The following UVRAG variants were observed in gnomAD, a reference collection of about 807,000 sequenced individuals.
The protein encoded by UVRAG is UV radiation resistance associated, also known as UV radiation resistance-associated gene protein.
Under a neutral mutation model 78.0 loss-of-function variants are expected in UVRAG, and 19 were observed. That is an observed-to-expected ratio of 0.24 (90% CI 0.17 to 0.36). The LOEUF (loss-of-function observed/expected upper bound fraction) is 0.36. Among genes scored for constraint, UVRAG ranks in the 10% least tolerant of loss-of-function variants. The pLI, the probability that UVRAG is intolerant of heterozygous loss-of-function variation, is 1.00. For synonymous variants in UVRAG, 323 were observed against 324.6 expected (o/e 1.00, Z 0.05); for missense variants, 740 against 853.8 (o/e 0.87, Z 1.66).
intron 13 of UVRAG, among the ~76,000 whole-genome samples, chr11:76,111,264 C>T (rs1248267664): frequency 1.3e-5 from 2 of 152,116 alleles, no homozygotes; most frequent in African/African-American, 2.4e-5. Flanking sequence ...TGGCAGAAGC[C>T]TTTACGAAGC....
At chr11:75,874,102 G>A (rs1201070394) in intron 3 of UVRAG, among the ~76,000 whole-genome samples, 4 of 152,224 alleles carry the variant, frequency 2.6e-5, no homozygotes, top group Non-Finnish European at 4.4e-5. Flanking sequence ...TGTGAGACCT[G>A]TGGAGTCTCC....
In UVRAG at chr11:76,141,744, T is replaced by C. The variant is rs1455135517; in HGVS notation, c.*331T>C. 3 of 277,982 alleles carry C rather than the reference T, an allele frequency of 1.1e-5. No homozygotes were observed. The Admixed American group carries it at 1.5e-4, about 14-fold the overall frequency. 17.2% of individuals were successfully genotyped at this position (277,982 alleles called of 1,614,324 possible). A position where few individuals can be genotyped will look rare whatever the true frequency, so the allele number is the denominator to read the frequency against. On this transcript the variant is annotated 3_prime_UTR_variant, in exon 15 of 15. Coordinates refer to ENST00000356136, the MANE Select transcript of UVRAG (RefSeq NM_003369.4). ...TATGTTATCCTCAGAGGGAAGATGA[T>C]AATATATAAATAATATAATGAACAC...
At chr11:75,880,799 C>T (rs1946925787) in intron 4 of UVRAG, among the ~76,000 whole-genome samples, 1 of 151,926 alleles carries the variant, frequency 6.6e-6, no homozygotes, top group African/African-American at 2.4e-5. Context: ...AGGTAATACA[C>T]CCGCCTCGGC....
At chr11:75,837,473 T>C (rs1262859602) in intron 1 of UVRAG, 8 of 152,116 alleles carry the variant, frequency 5.3e-5, no homozygotes, top group Non-Finnish European at 1.2e-4. Context: ...GTAAATGCTA[T>C]GTAAATAGTT....
intron 2 of UVRAG, among the ~76,000 whole-genome samples, chr11:75,855,140 T>C (rs774634669): frequency 1.1e-4 from 16 of 152,236 alleles, no homozygotes; most frequent in Non-Finnish European, 2.2e-4. Flanking sequence ...TCTAGAGATA[T>C]GATGAAAGCA....
intron 12 of UVRAG, among the ~76,000 whole-genome samples, chr11:76,033,395 C>T (rs1207423383): frequency 1.3e-5 from 2 of 151,948 alleles, no homozygotes; most frequent in African/African-American, 4.8e-5. Flanking sequence ...TTAATTTTTC[C>T]CTTCTAGTTG....
intron 12 of UVRAG, among the ~76,000 whole-genome samples, chr11:76,044,953 G>A: frequency 6.6e-6 from 1 of 152,158 alleles, no homozygotes. Flanking sequence ...TCGCAAGGGG[G>A]AAGGTTAAGA....
At chr11:76,086,086 T>C (rs1327658436) in intron 13 of UVRAG, among the ~76,000 whole-genome samples, 1 of 152,240 alleles carries the variant, frequency 6.6e-6, no homozygotes, top group African/African-American at 2.4e-5. Context: ...CAACCTGCTT[T>C]AAATAAGTAA....
chr11:75,856,670 TTC>T (rs1057332744), intron 2 of UVRAG, among the ~76,000 whole-genome samples: 5 of 152,166 alleles, frequency 3.3e-5, no homozygotes, highest in African/African-American at 1.2e-4. Context: ...GGTCCCAAAC[TTC>T]TGGGTTCAAG....
Position 75,815,821 on chromosome 11 carries a change from C to T in UVRAG, c.117+297C>T, listed in dbSNP as rs140626452. Among the ~76,000 whole-genome samples the T allele has an allele frequency of 4.5e-3, 688 of 152,262 alleles. 4 individuals are homozygous for T. Among genetic ancestry groups the T allele is most frequent in the African/African-American group, 0.015 (642 of 41,570 alleles). ...CGGCCCGAGGCCGCCTCCCCCAACG[C>T]AGGGAGCCGGGGATTGCCCCGCGCA... is the stretch of plus-strand genomic sequence containing the variant. On this transcript the variant is annotated intron_variant, in intron 1 of 14. Coordinates refer to ENST00000356136, the MANE Select transcript of UVRAG (RefSeq NM_003369.4).
intron 3 of UVRAG, chr11:75,878,291 C>T (rs192952608): frequency 0.059 from 11,729 of 199,102 alleles, 489 homozygotes; most frequent in African/African-American, 0.13. Flanking sequence ...CTCCTCACTT[C>T]GTAGATGGGA....
At chr11:75,818,178 C>T (rs1288855689) in intron 1 of UVRAG, among the ~76,000 whole-genome samples, 1 of 152,096 alleles carries the variant, frequency 6.6e-6, no homozygotes, top group Non-Finnish European at 1.5e-5. Context: ...CTAAAGGAAC[C>T]ACTTTTCTGA....
chr11:76,107,937 A>G (rs182063843), intron 13 of UVRAG, among the ~76,000 whole-genome samples: 113 of 152,254 alleles, frequency 7.4e-4, no homozygotes, highest in African/African-American at 2.2e-3. Flanking sequence ...TCTTTGATGC[A>G]TATGTGCATT....
At chr11:75,820,503 C>T (rs1200661876) in intron 1 of UVRAG, among the ~76,000 whole-genome samples, 1 of 152,010 alleles carries the variant, frequency 6.6e-6, no homozygotes, top group African/African-American at 2.4e-5. Context: ...TACAGGCATG[C>T]ACCACTGTTC....
chr11:76,007,318 C>T (rs921273135), intron 9 of UVRAG, among the ~76,000 whole-genome samples: 6 of 152,132 alleles, frequency 3.9e-5, no homozygotes, highest in African/African-American at 1.2e-4. Flanking sequence ...TGGTACTAAT[C>T]ACACACAGTA....
Position 76,142,540 on chromosome 11 carries a change from C to G in UVRAG, c.*1127C>G, listed in dbSNP as rs1314279120. The G allele has an allele frequency of 6.6e-6, 1 of 152,626 alleles. No individual in the cohort carries two copies. The highest frequency in any genetic ancestry group is 2.4e-5 in the African/African-American group (1 of 41,452). The allele number at this position is 152,626 out of a possible 1,614,324, so 9.5% of individuals were successfully genotyped here. A position where few individuals can be genotyped will look rare whatever the true frequency, so the allele number is the denominator to read the frequency against. On this transcript the variant is annotated 3_prime_UTR_variant, in exon 15 of 15. Coordinates refer to ENST00000356136, the MANE Select transcript of UVRAG (RefSeq NM_003369.4). ...CGCATTCAGATTTCATTTGCTGTTGCTTTATACGTTACGTACCCAAGGACA... is the reference window on the plus strand; with the variant it reads ...CGCATTCAGATTTCATTTGCTGTTGGTTTATACGTTACGTACCCAAGGACA...
intron 3 of UVRAG, among the ~76,000 whole-genome samples, chr11:75,877,409 C>T (rs1946814330): frequency 1.3e-5 from 2 of 152,032 alleles, no homozygotes; most frequent in Admixed American, 1.3e-4. Flanking sequence ...GGGCTCCTCA[C>T]TTCCCAGTAG....
chr11:75,995,154 A>T (rs1195765821), intron 8 of UVRAG, among the ~76,000 whole-genome samples: 3 of 150,810 alleles, frequency 2.0e-5, no homozygotes, highest in African/African-American at 7.3e-5. Flanking sequence ...AATGCTGATG[A>T]TATATTTTCC....
intron 14 of UVRAG, among the ~76,000 whole-genome samples, chr11:76,123,854 C>A (rs1354838424): frequency 6.6e-6 from 1 of 152,216 alleles, no homozygotes; most frequent in African/African-American, 2.4e-5. Flanking sequence ...CAACCCCCAC[C>A]TCCCAGGTTC....
Sources: allele counts gnomAD v4.1 joint callset (sites outside exome capture counted in the v4.1 genomes callset), GRCh38; gene constraint gnomAD v4.1.1; transcripts MANE v1.5; gene names NCBI Gene and HGNC (gene_info 2026-07-23, HGNC 2026-07-21).